MARCHF10: variants seen among roughly 807,000 people sequenced by gnomAD.
The protein encoded by MARCHF10 is membrane associated ring-CH-type finger 10, also known as probable E3 ubiquitin-protein ligase MARCHF10.
In MARCHF10, 64 loss-of-function variants were observed where a neutral mutation model predicts 76.2. That is an observed-to-expected ratio of 0.84 (90% CI 0.69 to 1.03). The LOEUF (loss-of-function observed/expected upper bound fraction) is 1.03. MARCHF10 is among the 50% of genes least tolerant of loss of function. The pLI, the probability that MARCHF10 is intolerant of heterozygous loss-of-function variation, is 0.00. For missense variants in MARCHF10, 875 were observed against 958.0 expected, an observed-to-expected ratio of 0.91 and a Z score of 1.14; for synonymous variants, 340 against 357.5, an observed-to-expected ratio of 0.95 and a Z score of 0.55.
intron 3 of MARCHF10, among the ~76,000 whole-genome samples, chr17:62,777,376 C>G (rs769771511): frequency 6.6e-6 from 1 of 152,174 alleles, no homozygotes; most frequent in Non-Finnish European, 1.5e-5. Flanking sequence ...GACCTAACGA[C>G]CCAGAAGTTA....
intron 3 of MARCHF10, among the ~76,000 whole-genome samples, chr17:62,761,514 C>T (rs754514181): frequency 2.6e-5 from 4 of 152,072 alleles, no homozygotes; most frequent in Admixed American, 6.6e-5. Flanking sequence ...CTCCGCCTCT[C>T]GGGTTCAAGC....
intron 6 of MARCHF10, among the ~76,000 whole-genome samples, chr17:62,725,420 C>A (rs1196125263): frequency 1.3e-5 from 2 of 152,196 alleles, no homozygotes; most frequent in Non-Finnish European, 2.9e-5. Context: ...CATGCCACCA[C>A]ACCTGGCTAT....
At chr17:62,802,419 C>T (rs1568234175) in intron 1 of MARCHF10, among the ~76,000 whole-genome samples, 1 of 151,996 alleles carries the variant, frequency 6.6e-6, no homozygotes, top group Non-Finnish European at 1.5e-5. Context: ...AGGGTTTCAT[C>T]GTGTTGGCCG....
At chr17:62,803,322 T>G (rs2148222350) in intron 1 of MARCHF10, among the ~76,000 whole-genome samples, 1 of 151,908 alleles carries the variant, frequency 6.6e-6, no homozygotes, top group South Asian at 2.1e-4. Flanking sequence ...TTTAAAAAGA[T>G]CCCTCCAGTT....
At chr17:62,805,595 C>T (rs2093150483) in intron 1 of MARCHF10, among the ~76,000 whole-genome samples, 1 of 152,142 alleles carries the variant, frequency 6.6e-6, no homozygotes, top group South Asian at 2.1e-4. Context: ...CTTTGAATTA[C>T]TTGCTAAGTT....
chr17:62,705,096 C>G, intron 10 of MARCHF10: 1 of 1,065,686 alleles, frequency 9.4e-7, no homozygotes. Context: ...CCAAATCCAC[C>G]AAGGCCACTA....
chr17:62,734,440 A>C (rs529035510), intron 6 of MARCHF10, among the ~76,000 whole-genome samples: 31 of 152,246 alleles, frequency 2.0e-4, no homozygotes, highest in African/African-American at 6.7e-4. Flanking sequence ...GTGCGCTTTA[A>C]AAATTCTCTG....
At chr17:62,732,319 C>T (rs549831359) in intron 6 of MARCHF10, among the ~76,000 whole-genome samples, 4 of 152,232 alleles carry the variant, frequency 2.6e-5, no homozygotes, top group South Asian at 2.1e-4. Context: ...CTTACATCAT[C>T]GCATATCAAA....
At chr17:62,796,559 T>C (rs536539444) in intron 2 of MARCHF10, among the ~76,000 whole-genome samples, 1 of 152,348 alleles carries the variant, frequency 6.6e-6, no homozygotes, top group Admixed American at 6.5e-5. Context: ...GCTCTAAGTC[T>C]GACAAGCTTA....
chr17:62,785,564 G>T (rs2092730632), intron 3 of MARCHF10, among the ~76,000 whole-genome samples: 1 of 152,156 alleles, frequency 6.6e-6, no homozygotes. Context: ...CACAGCAAAA[G>T]AAACTACCAT....
chr17:62,717,809 T>G (rs1220871549), intron 8 of MARCHF10, among the ~76,000 whole-genome samples: 2 of 152,232 alleles, frequency 1.3e-5, no homozygotes, highest in East Asian at 3.8e-4. Context: ...CGTTCTTCAC[T>G]TGCCCCCTTT....
chr17:62,794,435 A>G (rs903099505), intron 2 of MARCHF10, among the ~76,000 whole-genome samples: 3 of 152,182 alleles, frequency 2.0e-5, no homozygotes, highest in African/African-American at 4.8e-5. Flanking sequence ...AGAAGAAGAG[A>G]GAATCTTTCT....
In MARCHF10 at chr17:62,738,049, GTCTC is replaced by G. The variant is rs1491294047; in HGVS notation, c.536-721_536-718del. 4.7e-5 allele frequency: 3 copies of G among 64,198 alleles called. No homozygotes were observed. Among genetic ancestry groups the G allele is most frequent in the African/African-American group, 2.1e-4 (3 of 14,536 alleles). The allele number at this position is 64,198 out of a possible 1,614,324, so 4.0% of individuals were successfully genotyped here. A position where few individuals can be genotyped will look rare whatever the true frequency, so the allele number is the denominator to read the frequency against. ...AGAAGCATGCTAACTGTCTCTCTCTGTCTCTCTCTGTCACACACACACACACACA... is the reference window on the plus strand; with the variant it reads ...AGAAGCATGCTAACTGTCTCTCTCTGTCTCTGTCACACACACACACACACA... On this transcript the variant is annotated intron_variant, in intron 5 of 10. Coordinates refer to ENST00000311269, the MANE Select transcript of MARCHF10 (RefSeq NM_152598.4). The surrounding 1 kb of genome is among the most constrained non-coding windows in gnomAD (Gnocchi z 4.0).
intron 4 of MARCHF10, among the ~76,000 whole-genome samples, chr17:62,751,261 A>C (rs1324014087): frequency 6.6e-6 from 1 of 152,128 alleles, no homozygotes; most frequent in Non-Finnish European, 1.5e-5. Context: ...GTCACCTTGA[A>C]TCGACGGCTT....
rs1044262417 is a variant in MARCHF10, at chr17:62,801,480, G to A, written c.90+166C>T. 3.3e-4 allele frequency among the ~76,000 whole-genome samples: 48 copies of A among 146,478 alleles called. 1 individual carries two copies. The highest frequency in any genetic ancestry group is 2.0e-3 in the Admixed American group (30 of 14,650). ...CCCCGTTTTTTTTTTTTTTTTTACA[G>A]ACGAGGATACAGAGAGGTGAAGTGG... On this transcript the variant is annotated intron_variant, in intron 2 of 10. Coordinates refer to ENST00000311269, the MANE Select transcript of MARCHF10 (RefSeq NM_152598.4).
chr17:62,802,942 G>A (rs895507183), intron 1 of MARCHF10, among the ~76,000 whole-genome samples: 2 of 152,130 alleles, frequency 1.3e-5, no homozygotes, highest in African/African-American at 4.8e-5. Context: ...GATTAGATTC[G>A]TGTTTTTATT....
chr17:62,725,033 C>G lies in MARCHF10; in HGVS notation c.2009G>C (p.Ser670Thr). 2 of 1,609,810 alleles carry G rather than the reference C, an allele frequency of 1.2e-6. No individual in the cohort carries two copies. Among genetic ancestry groups the G allele is most frequent in the Middle Eastern group, 1.7e-4 (1 of 6,056 alleles). Reference protein sequence around the residue: ...RICQIAGGSPSNPLLEPCGCV... With the variant: ...RICQIAGGSPTNPLLEPCGCV... ...GCCGCAAGGCTCCAGGAGGGGGTTG[C>G]TTGGGGAACCCCCGGCTATCTGACA... Residue 670 changes from serine (S) to threonine (T), a missense_variant, in exon 7 of 11, where the codon AGC becomes ACC. By Grantham distance (58) the Ser-to-Thr change is moderately conservative. Transcript: ENST00000311269.
Position 62,711,306 on chromosome 17 carries a change from C to T in MARCHF10, c.2253G>A (p.Val751=). Residue 751 remains valine (V), a synonymous_variant, in exon 9 of 11, where the codon GTG becomes GTA. Transcript: ENST00000311269. This position sits in a 1 kb window ranked among gnomAD's most constrained non-coding sequence, Gnocchi z 4.4. ...TCTGCTCATAGAGGTGAAGCAGCAG[C>T]ACCAGGTACAAGCCTGAATTCATCA... ...NELMNSGLYL[V]LLLHLYEQRF... 6.2e-7 allele frequency: 1 copy of T among 1,614,186 alleles called. No individual in the cohort carries two copies. The highest frequency in any genetic ancestry group is 8.5e-7 in the Non-Finnish European group (1 of 1,180,012).
At chr17:62,732,822 G>A (rs1439214718) in intron 6 of MARCHF10, among the ~76,000 whole-genome samples, 4 of 150,764 alleles carry the variant, frequency 2.7e-5, no homozygotes, top group African/African-American at 4.9e-5. Flanking sequence ...GTGAAACCCC[G>A]TCTCTAATAA....
Sources: gnomAD v4.1 joint callset for allele counts (sites outside exome capture counted in the v4.1 genomes callset) on GRCh38, gnomAD v4.1.1 for gene constraint, Gnocchi (gnomAD v3.1) non-coding constraint, MANE v1.5 for transcripts, NCBI Gene and HGNC (gene_info 2026-07-23, HGNC 2026-07-21) for gene names.